SMYD3: variants seen among roughly 807,000 people sequenced by gnomAD.
SMYD3 encodes the protein SET and MYND domain containing 3.
SMYD3 carries 36 observed loss-of-function variants against 57.7 expected under a neutral mutation model. The observed-to-expected ratio is 0.62, with a 90% CI of 0.48 to 0.82. The LOEUF is 0.82. SMYD3 is among the 40% of genes least tolerant of loss of function. The pLI is 0.00. For missense variants in SMYD3, 515 were observed against 538.8 expected (o/e 0.96, Z 0.44); for synonymous variants, 211 against 195.0 (o/e 1.08, Z -0.68).
At chr1:246,254,955 T>C (rs1345050770) in intron 5 of SMYD3, among the ~76,000 whole-genome samples, 1 of 152,242 alleles carries the variant, frequency 6.6e-6, no homozygotes, top group Non-Finnish European at 1.5e-5. Context: ...ATAAAAACGT[T>C]ACTGATTTCT....
intron 5 of SMYD3, among the ~76,000 whole-genome samples, chr1:246,069,873 C>T (rs2060412760): frequency 1.3e-5 from 2 of 152,184 alleles, no homozygotes; most frequent in Non-Finnish European, 2.9e-5. Flanking sequence ...GGACAGTGAG[C>T]TATTGGACTG....
intron 5 of SMYD3, among the ~76,000 whole-genome samples, chr1:246,236,017 G>A (rs951311245): frequency 6.6e-6 from 1 of 152,048 alleles, no homozygotes; most frequent in Non-Finnish European, 1.5e-5. Context: ...ATTATAATTG[G>A]ATATATACAT....
chr1:246,062,187 T>TTAGTGCAACATAAAGATA (rs11283435), intron 5 of SMYD3, among the ~76,000 whole-genome samples: 9 of 151,860 alleles, frequency 5.9e-5, no homozygotes, highest in Non-Finnish European at 1.3e-4. Context: ...CATCATTGAC[T>TTAGTGCAACATAAAGATA]TAAAGATCGT....
chr1:245,844,530 C>T (rs2050563507), intron 10 of SMYD3, among the ~76,000 whole-genome samples: 1 of 151,960 alleles, frequency 6.6e-6, no homozygotes, highest in South Asian at 2.1e-4. Context: ...TAAATGCGGT[C>T]TGAGGCAGTG....
intron 10 of SMYD3, among the ~76,000 whole-genome samples, chr1:245,785,847 T>G (rs550084715): frequency 6.6e-6 from 1 of 152,172 alleles, no homozygotes; most frequent in East Asian, 1.9e-4. Context: ...TACAGGTGTA[T>G]GCCACCATGC....
At chr1:246,228,740 T>C (rs1395623993) in intron 5 of SMYD3, among the ~76,000 whole-genome samples, 1 of 152,190 alleles carries the variant, frequency 6.6e-6, no homozygotes, top group African/African-American at 2.4e-5. Context: ...AAACAAGGTG[T>C]TTCCAGCAGC....
chr1:246,435,312 TAA>T (rs2067354831), intron 1 of SMYD3, among the ~76,000 whole-genome samples: 1 of 152,030 alleles, frequency 6.6e-6, no homozygotes, highest in South Asian at 2.1e-4. Flanking sequence ...GAATCTAAAA[TAA>T]AAGTTGAAAT....
intron 10 of SMYD3, among the ~76,000 whole-genome samples, chr1:245,815,964 C>T (rs1306180560): frequency 6.6e-6 from 1 of 152,178 alleles, no homozygotes; most frequent in Admixed American, 6.5e-5. Context: ...CCTTGCAGCA[C>T]TCACCTTCTG....
At chr1:245,933,645 G>GT (rs1265230663) in intron 5 of SMYD3, among the ~76,000 whole-genome samples, 4 of 152,136 alleles carry the variant, frequency 2.6e-5, no homozygotes, top group Non-Finnish European at 4.4e-5. Context: ...GTGTCCTGAG[G>GT]TTAGCAATTC....
At chr1:245,824,348 G>T (rs760154473) in intron 10 of SMYD3, among the ~76,000 whole-genome samples, 1 of 152,220 alleles carries the variant, frequency 6.6e-6, no homozygotes, top group African/African-American at 2.4e-5. Flanking sequence ...TGAATGGATC[G>T]ATGATTGGAT....
At chr1:246,384,248 C>T (rs114949141) in intron 1 of SMYD3, among the ~76,000 whole-genome samples, 34 of 152,266 alleles carry the variant, frequency 2.2e-4, no homozygotes, top group African/African-American at 8.2e-4. Flanking sequence ...TCCCTAAAAT[C>T]AGGTCTCATA....
chr1:245,825,254 T>C (rs1393833121), intron 10 of SMYD3, among the ~76,000 whole-genome samples: 2 of 152,306 alleles, frequency 1.3e-5, no homozygotes, highest in Middle Eastern at 3.4e-3. Flanking sequence ...TCCATCTCCC[T>C]ACGTTCTCTT....
intron 5 of SMYD3, among the ~76,000 whole-genome samples, chr1:246,325,013 GGGGGAGCGGGAAGGAGGGAGAAGGAGTC>G: frequency 2.4e-5 from 2 of 82,470 alleles, no homozygotes; most frequent in Non-Finnish European, 4.9e-5. Flanking sequence ...AGAAGGAGTC[GGGGGAGCGGGAAGGAGGGAGAAGGAGTC>G]GGGGGGCAGG....
chr1:246,438,685 C>A (rs1161038279), intron 1 of SMYD3, among the ~76,000 whole-genome samples: 1 of 152,124 alleles, frequency 6.6e-6, no homozygotes, highest in African/African-American at 2.4e-5. Flanking sequence ...CGTTTTAGCA[C>A]CAGGGACCAG....
At chr1:245,816,990 A>G (rs533780751) in intron 10 of SMYD3, among the ~76,000 whole-genome samples, 23 of 151,722 alleles carry the variant, frequency 1.5e-4, no homozygotes, top group Non-Finnish European at 3.0e-4. Context: ...GCCATTGCCC[A>G]GGCTTGCTTA....
intron 5 of SMYD3, among the ~76,000 whole-genome samples, chr1:246,242,082 C>T (rs2063622605): frequency 6.6e-6 from 1 of 151,922 alleles, no homozygotes; most frequent in African/African-American, 2.4e-5. Context: ...TTTTGTGTCT[C>T]TATTTCCTTC....
Position 246,076,077 on chromosome 1 carries a change from A to G in SMYD3, c.532-146140T>C, listed in dbSNP as rs182404113. Among the ~76,000 whole-genome samples the G allele has an allele frequency of 9.6e-4, 146 of 152,286 alleles. 3 individuals carry two copies. The South Asian group carries it at 0.011, about 12-fold the overall frequency. ...TCTCAGCAAATTCTATTTCTTGCCA[A>G]TGTATTCATCTGCATAAGAAATGGT... is the stretch of plus-strand genomic sequence containing the variant. On this transcript the variant is annotated intron_variant, in intron 5 of 11. Coordinates refer to ENST00000490107, the MANE Select transcript of SMYD3 (RefSeq NM_001167740.2).
At chr1:246,193,320 T>C (rs1008621769) in intron 5 of SMYD3, among the ~76,000 whole-genome samples, 6 of 131,916 alleles carry the variant, frequency 4.5e-5, no homozygotes, top group East Asian at 2.6e-4. Context: ...CAAGATCACA[T>C]AGAAATAGAA....
rs183080161 is a variant in SMYD3 at position 245,864,516 on chromosome 1, A to C, written c.814-630T>G. 6.5e-3 allele frequency among the ~76,000 whole-genome samples: 992 copies of C among 152,344 alleles called. 13 individuals carry two copies. Among genetic ancestry groups the C allele is most frequent in the African/African-American group, 0.023 (948 of 41,584 alleles). ...TTACGCTAAGCGAGAAGCCAATCAC[A>C]AAGACCACATGTATGATTCCATGGA... On this transcript the variant is annotated intron_variant, in intron 8 of 11. Transcript: ENST00000490107.
Sources: allele counts gnomAD v4.1 joint callset (sites outside exome capture counted in the v4.1 genomes callset), GRCh38; gene constraint gnomAD v4.1.1; transcripts MANE v1.5; gene names NCBI Gene and HGNC (gene_info 2026-07-23, HGNC 2026-07-21).